ADAMTS3: variants seen among roughly 807,000 people sequenced by gnomAD.
ADAMTS3 encodes A disintegrin and metalloproteinase with thrombospondin motifs 3.
Under a neutral mutation model 129.0 loss-of-function variants are expected in ADAMTS3, and 73 were observed. That is an observed-to-expected ratio of 0.57 (90% CI 0.47 to 0.69). ADAMTS3 has a LOEUF of 0.69. Among genes scored for constraint, ADAMTS3 ranks in the 30% least tolerant of loss-of-function variants. The pLI is 0.00. For synonymous variants in ADAMTS3, 477 were observed against 510.8 expected (o/e 0.93, Z 0.89); for missense variants, 1,457 against 1,514.5 (o/e 0.96, Z 0.63).
At chr4:72,351,489 T>A (rs937318397) in intron 4 of ADAMTS3, among the ~76,000 whole-genome samples, 4 of 151,472 alleles carry the variant, frequency 2.6e-5, no homozygotes, top group African/African-American at 7.3e-5. Flanking sequence ...CTTTAGTATG[T>A]CCTTGCAACA....
chr4:72,456,985 A>G (rs969780377), intron 3 of ADAMTS3, among the ~76,000 whole-genome samples: 3 of 151,708 alleles, frequency 2.0e-5, no homozygotes, highest in Non-Finnish European at 3.0e-5. Context: ...AGAAATCATC[A>G]TGGAAGGAAG....
At chr4:72,438,870 A>G (rs1436108747) in intron 3 of ADAMTS3, among the ~76,000 whole-genome samples, 2 of 151,722 alleles carry the variant, frequency 1.3e-5, no homozygotes, top group Non-Finnish European at 2.9e-5. Flanking sequence ...TAAGACATCA[A>G]AAAAGATCAA....
intron 3 of ADAMTS3, among the ~76,000 whole-genome samples, chr4:72,449,653 T>C (rs1475917383): frequency 6.6e-6 from 1 of 151,782 alleles, no homozygotes; most frequent in Non-Finnish European, 1.5e-5. Flanking sequence ...AGGCAAATCA[T>C]ACCATATTAT....
chr4:72,292,846 A>C (rs1349362679), intron 19 of ADAMTS3, among the ~76,000 whole-genome samples: 1 of 152,194 alleles, frequency 6.6e-6, no homozygotes, highest in Admixed American at 6.5e-5. Flanking sequence ...TTAGCTTGTC[A>C]AACTGGTGGT....
At chr4:72,504,957 C>T (rs564294033) in intron 3 of ADAMTS3, among the ~76,000 whole-genome samples, 2 of 152,258 alleles carry the variant, frequency 1.3e-5, no homozygotes, top group South Asian at 4.1e-4. Flanking sequence ...CCCTTCATTT[C>T]CCATATTGCT....
At chr4:72,545,534 T>C (rs967812826) in intron 3 of ADAMTS3, among the ~76,000 whole-genome samples, 1 of 152,208 alleles carries the variant, frequency 6.6e-6, no homozygotes, top group African/African-American at 2.4e-5. Flanking sequence ...GCTTTGTTCC[T>C]ACTCCCTGGA....
intron 4 of ADAMTS3, among the ~76,000 whole-genome samples, chr4:72,382,011 A>G (rs1031592441): frequency 6.6e-6 from 1 of 152,128 alleles, no homozygotes; most frequent in African/African-American, 2.4e-5. Context: ...CCTTCTGCAC[A>G]TGTCAGTACA....
intron 3 of ADAMTS3, among the ~76,000 whole-genome samples, chr4:72,432,323 C>T (rs563406188): frequency 6.6e-6 from 1 of 151,964 alleles, no homozygotes; most frequent in South Asian, 2.1e-4. Context: ...ACTTTCCCTC[C>T]CGACCACACT....
At chr4:72,482,185 A>AT (rs1186826045) in intron 3 of ADAMTS3, among the ~76,000 whole-genome samples, 1 of 152,114 alleles carries the variant, frequency 6.6e-6, no homozygotes, top group East Asian at 1.9e-4. Flanking sequence ...GGTTATGTTC[A>AT]TTTAAAAAAA....
At chr4:72,423,747 G>A (rs1722502626) in intron 3 of ADAMTS3, among the ~76,000 whole-genome samples, 1 of 152,052 alleles carries the variant, frequency 6.6e-6, no homozygotes, top group African/African-American at 2.4e-5. Flanking sequence ...AAGGTAAAGT[G>A]GTTGAGAAGG....
chr4:72,472,217 A>G (rs919233992), intron 3 of ADAMTS3, among the ~76,000 whole-genome samples: 7 of 152,278 alleles, frequency 4.6e-5, no homozygotes, highest in African/African-American at 1.7e-4. Context: ...TACATCGCTT[A>G]TATTTGCTAA....
At chr4:72,523,940 C>T (rs949086518) in intron 3 of ADAMTS3, among the ~76,000 whole-genome samples, 2 of 152,054 alleles carry the variant, frequency 1.3e-5, no homozygotes, top group South Asian at 2.1e-4. Flanking sequence ...ACTAATTTGC[C>T]TCTAAAGATC....
At chr4:72,430,855 CT>C (rs775377178) in intron 3 of ADAMTS3, among the ~76,000 whole-genome samples, 4 of 147,190 alleles carry the variant, frequency 2.7e-5, no homozygotes, top group Non-Finnish European at 6.0e-5. Context: ...AGGAAAAAGT[CT>C]GGCTGGAATA....
At position 72,456,420 on chromosome 4, in the gene ADAMTS3, T is replaced by TAA. The variant is rs200527010; in HGVS notation, c.505-41451_505-41450dup. Among the ~76,000 whole-genome samples, 452 of 141,482 alleles carry TAA rather than the reference T, an allele frequency of 3.2e-3. 9 individuals carry two copies. Among genetic ancestry groups the TAA allele is most frequent in the African/African-American group, 0.012 (441 of 37,358 alleles). 92.8% of individuals were successfully genotyped at this position (141,482 alleles called of 152,430 possible). A position where few individuals can be genotyped will look rare whatever the true frequency, so the allele number is the denominator to read the frequency against. ...ATAGATTTTATATATAGTATATATA[T>TAA]AACATATATATAGTTCTATTCACTT... is the stretch of plus-strand genomic sequence containing the variant. On this transcript the variant is annotated intron_variant, in intron 3 of 21. Transcript: ENST00000286657.
chr4:72,333,259 C>A (rs553225179), intron 5 of ADAMTS3, among the ~76,000 whole-genome samples: 1 of 152,252 alleles, frequency 6.6e-6, no homozygotes, highest in Admixed American at 6.5e-5. Flanking sequence ...ATTTCAAATA[C>A]CTTCAAAGAT....
chr4:72,468,145 T>C (rs1718970909), intron 3 of ADAMTS3, among the ~76,000 whole-genome samples: 1 of 152,098 alleles, frequency 6.6e-6, no homozygotes, highest in South Asian at 2.1e-4. Flanking sequence ...ATTGTATATC[T>C]AAAAATAGTG....
chr4:72,488,295 T>C (rs528762749), intron 3 of ADAMTS3, among the ~76,000 whole-genome samples: 61 of 152,120 alleles, frequency 4.0e-4, no homozygotes, highest in African/African-American at 1.5e-3. Flanking sequence ...GGGACTTCTC[T>C]GTGGAGACTA....
chr4:72,352,805 C>T (rs572472005), intron 4 of ADAMTS3, among the ~76,000 whole-genome samples: 13 of 151,708 alleles, frequency 8.6e-5, no homozygotes, highest in South Asian at 2.1e-4. Context: ...GCATAATGCA[C>T]GCAGAAAGAC....
chr4:72,432,685 G>A (rs1169002586), intron 3 of ADAMTS3, among the ~76,000 whole-genome samples: 2 of 151,944 alleles, frequency 1.3e-5, no homozygotes, highest in African/African-American at 4.8e-5. Flanking sequence ...AACCGAAAAT[G>A]ATCTTGGGAA....
Sources: allele counts gnomAD v4.1 joint callset (sites outside exome capture counted in the v4.1 genomes callset), GRCh38; gene constraint gnomAD v4.1.1; transcripts MANE v1.5; gene names NCBI Gene and HGNC (gene_info 2026-07-23, HGNC 2026-07-21).